The following RTEL1 variants were observed in gnomAD, a reference collection of about 807,000 sequenced individuals.
RTEL1 encodes the protein regulator of telomere length.
In RTEL1, 86 loss-of-function variants were observed where a neutral mutation model predicts 162.2. The observed-to-expected ratio is 0.53, with a 90% confidence interval of 0.45 to 0.63. The LOEUF (loss-of-function observed/expected upper bound fraction) is 0.63, where lower values mean the gene tolerates loss of function less well. Ranked by LOEUF, RTEL1 falls within the 30% of genes least tolerant of loss-of-function variation. The pLI, the probability that RTEL1 is intolerant of heterozygous loss-of-function variation, is 0.00. For missense variants in RTEL1, 1,941 were observed against 1,750.2 expected (o/e 1.11, Z -1.95); for synonymous variants, 958 against 717.9 (o/e 1.33, Z -5.35).
At position 63,685,847 on chromosome 20, in the gene RTEL1, G is replaced by T. The variant is rs2090580676; in HGVS notation, c.1323G>T (p.Trp441Cys). 8.1e-6 allele frequency: 13 copies of T among 1,612,640 alleles called. No individual in the cohort carries two copies. Among genetic ancestry groups the T allele is most frequent in the Non-Finnish European group, 1.0e-5 (12 of 1,179,894 alleles). The change falls in exon 16 of 35, where the codon TGG becomes TGT. Residue 441 changes from tryptophan (W) to cysteine (C), a missense_variant. Physicochemically the swap from Trp to Cys is radical, Grantham distance 215 (BLOSUM62 -2). Transcript: ENST00000360203. ...GGACGGCTCAGCGGTCTGATGCCTG[G>T]AGCACCACTGCAGCCAGAAAGCGAG... ...HRRTAQRSDA[W>C]STTAARKRGK...
At position 63,690,931 on chromosome 20, in the gene RTEL1, G is replaced by A. The variant is rs545991923; in HGVS notation, c.2540G>A (p.Ser847Asn). The change falls in exon 27 of 35, where the codon AGC becomes AAC. Residue 847 changes from serine (S) to asparagine (N), a missense_variant. Coordinates refer to ENST00000360203, the MANE Select transcript of RTEL1 (RefSeq NM_001283009.2). ...GAGCACAGCGAACAGCGGGCGGGGA[G>A]CCCTGGCGAGGAGCAGGTACAGTTC... The part of the protein sequence containing the change: ...ALEHSEQRAG[S>N]PGEEQAHSCS... 6.4e-7 allele frequency: 1 copy of A among 1,554,584 alleles called. No homozygotes were observed. Among genetic ancestry groups the A allele is most frequent in the South Asian group, 1.2e-5 (1 of 84,808 alleles).
chr20:63,694,305 C>T (rs781519719), intron 30 of RTEL1, 67 bp from the exon 31 acceptor site: 8 of 587,500 alleles, frequency 1.4e-5, no homozygotes, highest in East Asian at 8.1e-5. Flanking sequence ...GCCAGCCCTG[C>T]CCCCCCACCC....
chr20:63,684,633 G>A lies in RTEL1; in HGVS notation c.1192-890G>A, dbSNP rs375478258. 1.1e-4 allele frequency among the ~76,000 whole-genome samples: 17 copies of A among 152,232 alleles called. No homozygotes were observed. The South Asian group carries it at 1.2e-3, about 11-fold the overall frequency. On this transcript the variant is annotated intron_variant, in intron 14 of 34. Coordinates refer to ENST00000360203, the MANE Select transcript of RTEL1 (RefSeq NM_001283009.2). ...GCTGGGATTACAGGCATGAGCCACC[G>A]TGCCCAGCCTGATATTTTTAGTAGA...
intron 28 of RTEL1, chr20:63,692,474 T>C (rs1010684832): frequency 2.5e-6 from 1 of 400,740 alleles, no homozygotes; most frequent in South Asian, 2.8e-5. Context: ...CTCAGCCGCA[T>C]CCGCTGTGGG....
chr20:63,665,899 AGCCCTGCCC>A (rs1424617773), intron 6 of RTEL1, 96 bp from the exon 7 acceptor site: 3 of 1,048,514 alleles, frequency 2.9e-6, no homozygotes, highest in African/African-American at 3.2e-5. Flanking sequence ...GGGGACGCCC[AGCCCTGCCC>A]GCCGTGTAGG....
intron 14 of RTEL1, among the ~76,000 whole-genome samples, 188 bp from the exon 15 acceptor site, chr20:63,685,335 C>G (rs1260083978): frequency 3.9e-5 from 6 of 152,148 alleles, no homozygotes; most frequent in Admixed American, 2.6e-4. Context: ...CACCGGGGGT[C>G]CCTGCAGGGA....
rs116365288 is a variant in RTEL1, at chr20:63,693,270, C to A, written c.2979C>A (p.Val993=). 2 of 1,611,792 alleles carry A rather than the reference C, an allele frequency of 1.2e-6. No homozygotes were observed. The highest frequency in any genetic ancestry group is 1.7e-6 in the Non-Finnish European group (2 of 1,179,400). ...CCCGAAGGCAGCGGGCACAGCCGGTCCTGGACCCCACTGGTAAATGGGGCC... is the reference window on the plus strand; with the variant it reads ...CCCGAAGGCAGCGGGCACAGCCGGTACTGGACCCCACTGGTAAATGGGGCC... ...SIPRRQRAQP[V]LDPTGRTAPD... is the part of the protein sequence containing the mutation. The change falls in exon 30 of 35, where the codon GTC becomes GTA. Residue 993 remains valine, a synonymous_variant. Transcript: ENST00000360203.
chr20:63,685,962 A>T, intron 16 of RTEL1, 90 bp downstream of exon 16: 1 of 1,277,318 alleles, frequency 7.8e-7, no homozygotes, highest in Non-Finnish European at 1.1e-6. Flanking sequence ...CCAGCCGTGG[A>T]TCTCCTGCCC....
At chr20:63,671,392 C>T (rs898922608) in intron 8 of RTEL1, among the ~76,000 whole-genome samples, 2 of 152,082 alleles carry the variant, frequency 1.3e-5, no homozygotes, top group Non-Finnish European at 2.9e-5. Context: ...ATGTGACACT[C>T]TATTAATAGA....
chr20:63,658,526 G>T (rs1216873901), intron 1 of RTEL1, 60 bp downstream of exon 1: 1 of 152,292 alleles, frequency 6.6e-6, no homozygotes, highest in Non-Finnish European at 1.5e-5. Context: ...GGCGCGTTGC[G>T]GTTTTTCGAA....
chr20:63,685,422 G>T, intron 14 of RTEL1, 101 bp from the exon 15 acceptor site: 2 of 1,205,606 alleles, frequency 1.7e-6, no homozygotes, highest in East Asian at 2.5e-5. Flanking sequence ...GTGAACCGAT[G>T]ACCCCTGGGT....
At chr20:63,693,920 G>C (rs1476983767) in intron 30 of RTEL1, among the ~76,000 whole-genome samples, 2 of 150,724 alleles carry the variant, frequency 1.3e-5, no homozygotes, top group Non-Finnish European at 1.5e-5. Flanking sequence ...CACACGCCAG[G>C]GTCCTAGGGT....
chr20:63,695,403 C>T lies in RTEL1; in HGVS notation c.3575C>T (p.Thr1192Ile), dbSNP rs748506942. The T allele has an allele frequency of 1.3e-6, 2 of 1,559,296 alleles. No individual in the cohort carries two copies. The highest frequency in any genetic ancestry group is 1.7e-6 in the Non-Finnish European group (2 of 1,151,922). The change falls in exon 34 of 35, where the codon ACT becomes ATT. Residue 1192 changes from threonine (T) to isoleucine (I), a missense_variant. Transcript: ENST00000360203. ...TTCCTTAGACAGAGGCCAGCAGGGA[C>T]TGTGGGGGCGGGCGGTGAGGATGCA... is the stretch of plus-strand genomic sequence containing the variant. ...SSFLRQRPAGTVGAGGEDAGP... is the reference protein window; with the variant it reads ...SSFLRQRPAGIVGAGGEDAGP...
Position 63,695,523 on chromosome 20 carries a change from G to A in RTEL1, c.3695G>A (p.Gly1232Glu). The A allele has an allele frequency of 1.2e-6, 2 of 1,612,254 alleles. No individual in the cohort carries two copies. The highest frequency in any genetic ancestry group is 1.7e-6 in the Non-Finnish European group (2 of 1,179,794). ...GACATCGCTGGGCAGCAGGCCACGGGAGCTCCGGGCGGGCCCCTCTCAGCA... is the reference window on the plus strand; with the variant it reads ...GACATCGCTGGGCAGCAGGCCACGGAAGCTCCGGGCGGGCCCCTCTCAGCA... ...GRDIAGQQAT[G>E]APGGPLSAGC... The change falls in exon 34 of 35, where the codon GGA becomes GAA. Residue 1232 changes from glycine to glutamate, a missense_variant. Coordinates refer to ENST00000360203, the MANE Select transcript of RTEL1 (RefSeq NM_001283009.2).
chr20:63,693,053 C>T (rs371604935), intron 29 of RTEL1, 50 bp downstream of exon 29: 1,387 of 1,609,718 alleles, frequency 8.6e-4, no homozygotes, highest in Middle Eastern at 1.3e-3. Context: ...GCTGCCGCCG[C>T]GTGTGGGGTG....
chr20:63,692,754 G>T lies in RTEL1; in HGVS notation c.2653-51G>T, dbSNP rs774498070. 3.2e-6 allele frequency: 5 copies of T among 1,550,658 alleles called. No individual in the cohort carries two copies. The Admixed American group carries it at 5.1e-5, about 16-fold the overall frequency. On this transcript the variant is annotated intron_variant, in intron 28 of 34. Transcript: ENST00000360203. ...CCAAGGAAGGCTCTGCAGCCCCAGG[G>T]ACCAGATGATGAGGCTGGCCCTGAT...
chr20:63,680,966 A>G, intron 14 of RTEL1: 1 of 985,298 alleles, frequency 1.0e-6, no homozygotes, highest in Non-Finnish European at 1.2e-6. Context: ...GGAGGACGCA[A>G]AGGACAGTGG....
chr20:63,662,534 C>G lies in RTEL1; in HGVS notation c.396-12C>G, dbSNP rs749705949. 1.2e-5 allele frequency: 19 copies of G among 1,613,810 alleles called. No individual in the cohort carries two copies. Among genetic ancestry groups the G allele is most frequent in the African/African-American group, 8.0e-5 (6 of 74,920 alleles). ...CAGCTCCTCCTCGACCCACGGTGCT[C>G]TCTCCCACCAGGCCTAAGGTGTGTG... On this transcript the variant is annotated splice_polypyrimidine_tract_variant and intron_variant, in intron 4 of 34. Coordinates refer to ENST00000360203, the MANE Select transcript of RTEL1 (RefSeq NM_001283009.2).
chr20:63,692,522 G>T (rs2090774110), intron 28 of RTEL1: 2 of 517,172 alleles, frequency 3.9e-6, no homozygotes, highest in South Asian at 4.4e-5. Flanking sequence ...GACGGGCCAT[G>T]CAGGACCCCT....
Sources: gnomAD v4.1 joint callset for allele counts (sites outside exome capture counted in the v4.1 genomes callset) on GRCh38, gnomAD v4.1.1 for gene constraint, MANE v1.5 for transcripts, NCBI Gene and HGNC (gene_info 2026-07-23, HGNC 2026-07-21) for gene names.